Variants in SCLT1 observed in about 807,000 individuals in gnomAD.
SCLT1 encodes sodium channel-associated protein 1.
In SCLT1, 78 loss-of-function variants were observed where a neutral mutation model predicts 112.8. That is an observed-to-expected ratio of 0.69 (90% CI 0.58 to 0.83). The LOEUF is 0.83. SCLT1 is among the 40% of genes least tolerant of loss of function. The pLI, the probability that SCLT1 is intolerant of heterozygous loss-of-function variation, is 0.00. For synonymous variants in SCLT1, 257 were observed against 254.7 expected, an observed-to-expected ratio of 1.01 and a Z score of -0.09; for missense variants, 747 against 770.4, an observed-to-expected ratio of 0.97 and a Z score of 0.36.
In SCLT1 at chr4:128,916,554, T is replaced by G. The variant is rs1207659040; in HGVS notation, c.1829+20101A>C. On this transcript the variant is annotated intron_variant, in intron 18 of 20. Coordinates refer to ENST00000281142, the MANE Select transcript of SCLT1 (RefSeq NM_144643.4). ...TGACTGACGAAAAAGCTAAAAGACT[T>G]GAAGTCTTTACAGGACATCCTCAGC... Among the ~76,000 whole-genome samples the G allele has an allele frequency of 7.9e-5, 12 of 152,202 alleles. No individual in the cohort carries two copies. The East Asian group carries it at 1.2e-3, about 15-fold the overall frequency.
intron 18 of SCLT1, among the ~76,000 whole-genome samples, chr4:128,894,034 G>A (rs1733536237): frequency 6.6e-6 from 1 of 152,036 alleles, no homozygotes; most frequent in South Asian, 2.1e-4. Flanking sequence ...GCACCTCCCA[G>A]GCTCAGGTGG....
At chr4:128,873,256 G>GAAAAAAAAAAAAAAAAAAAAAAAAAAAAA (rs1296724284) in intron 5 of SCLT1, 3 of 28,678 alleles carry the variant, frequency 1.0e-4, no homozygotes, top group Non-Finnish European at 1.5e-4. Context: ...TAAGAAAAAG[G>GAAAAAAAAAAAAAAAAAAAAAAAAAAAAA]AAAAAAAAAA....
At chr4:128,883,123 T>G, downstream of SCLT1, among the ~76,000 whole-genome samples, 1 of 129,526 alleles carries the variant, frequency 7.7e-6, no homozygotes, top group African/African-American at 3.1e-5. Context: ...TCCAGCCTGG[T>G]GATGGAGTGA....
intron 2 of SCLT1, among the ~76,000 whole-genome samples, chr4:129,044,463 TAAAA>T (rs957957628): frequency 4.7e-5 from 7 of 148,384 alleles, no homozygotes; most frequent in African/African-American, 1.7e-4. Context: ...GATGAACACT[TAAAA>T]AAAAAATCAG....
intron 5 of SCLT1, among the ~76,000 whole-genome samples, chr4:129,024,855 G>A (rs1745877300): frequency 6.6e-6 from 1 of 152,138 alleles, no homozygotes; most frequent in Non-Finnish European, 1.5e-5. Flanking sequence ...AGTGCTTAAA[G>A]GAGCTGATGG....
intron 3 of SCLT1, 56 bp from the exon 4 acceptor site, chr4:129,043,523 T>G: frequency 2.7e-6 from 2 of 733,882 alleles, no homozygotes; most frequent in East Asian, 2.9e-5. Context: ...TTAATAAATA[T>G]ATAACAAGTG....
intron 9 of SCLT1, among the ~76,000 whole-genome samples, chr4:128,982,655 C>T (rs1283527332): frequency 6.6e-6 from 1 of 152,030 alleles, no homozygotes; most frequent in Non-Finnish European, 1.5e-5. Context: ...GCTCCCATCA[C>T]CATGCCCGGC....
At chr4:129,014,155 ATCAGG>A (rs1219147881) in intron 5 of SCLT1, among the ~76,000 whole-genome samples, 1 of 152,012 alleles carries the variant, frequency 6.6e-6, no homozygotes, top group African/African-American at 2.4e-5. Flanking sequence ...TTTCAGTTCT[ATCAGG>A]TCAGTTGGTT....
rs370859627 is a variant in SCLT1, at chr4:129,028,809, A to G, written c.290+10232T>C. Among the ~76,000 whole-genome samples, 14 of 152,102 alleles carry G rather than the reference A, an allele frequency of 9.2e-5. No homozygotes were observed. In the East Asian group the frequency reaches 9.6e-4, roughly 10 times the overall value. On this transcript the variant is annotated intron_variant, in intron 5 of 20. Transcript: ENST00000281142. ...AAAAGGCTAATATCCAGAATCTACA[A>G]TGAACTCCAACAAATTTACAACAAA...
chr4:128,895,413 C>G (rs979437382), intron 18 of SCLT1, among the ~76,000 whole-genome samples: 1 of 152,214 alleles, frequency 6.6e-6, no homozygotes, highest in Non-Finnish European at 1.5e-5. Flanking sequence ...GAACCTTCCA[C>G]ACTTCAGTTG....
chr4:128,971,455 T>G (rs1740683216), intron 9 of SCLT1: 1 of 152,084 alleles, frequency 6.6e-6, no homozygotes, highest in Non-Finnish European at 1.5e-5. Context: ...CAGGTAGTTA[T>G]TAGTGCCAGG....
At chr4:129,088,245 A>G (rs1305317327) in intron 1 of SCLT1, among the ~76,000 whole-genome samples, 2 of 152,258 alleles carry the variant, frequency 1.3e-5, no homozygotes, top group Non-Finnish European at 2.9e-5. Context: ...AATGTAATTT[A>G]CTCTATTAAC....
chr4:129,093,206 T>C lies in SCLT1; in HGVS notation c.-103A>G, dbSNP rs1753014156. On this transcript the variant is annotated 5_prime_UTR_variant, in exon 1 of 21. Coordinates refer to ENST00000281142, the MANE Select transcript of SCLT1 (RefSeq NM_144643.4). The stretch of plus-strand genomic sequence containing the variant: ...CAAAACTAAGCCAACGCTCGGTTGG[T>C]TGTCAAGCGCTCCAGCGGTGCAATC... The C allele has an allele frequency of 4.6e-6, 5 of 1,080,030 alleles. No homozygotes were observed. The highest frequency in any genetic ancestry group is 1.4e-6 in the Non-Finnish European group (1 of 698,240). 66.9% of individuals were successfully genotyped at this position (1,080,030 alleles called of 1,614,324 possible).
chr4:129,083,648 G>A (rs1220811641), intron 1 of SCLT1, among the ~76,000 whole-genome samples: 3 of 151,542 alleles, frequency 2.0e-5, no homozygotes, highest in African/African-American at 7.3e-5. Flanking sequence ...CTGGGCAACA[G>A]AGCAAGACTC....
At chr4:128,948,886 T>A (rs1738441928) in intron 14 of SCLT1, among the ~76,000 whole-genome samples, 1 of 152,128 alleles carries the variant, frequency 6.6e-6, no homozygotes, top group Admixed American at 6.5e-5. Context: ...ATCAAGTATT[T>A]TGAAAAGGGA....
At chr4:128,974,442 G>A (rs1740969484) in intron 9 of SCLT1, among the ~76,000 whole-genome samples, 1 of 151,672 alleles carries the variant, frequency 6.6e-6, no homozygotes, top group African/African-American at 2.4e-5. Flanking sequence ...GGGAACTCCT[G>A]CCTGGAGCTC....
At chr4:129,026,365 G>A (rs7671486) in intron 5 of SCLT1, among the ~76,000 whole-genome samples, 17,291 of 152,012 alleles carry the variant, frequency 0.11, 1,367 homozygotes, top group Non-Finnish European at 0.17. Context: ...AGACCACAGT[G>A]CAATCAAACT....
At chr4:128,876,390 C>A (rs1732520880) in intron 4 of SCLT1, 1 of 152,066 alleles carries the variant, frequency 6.6e-6, no homozygotes, top group South Asian at 2.1e-4. Flanking sequence ...GAAATTAAGT[C>A]CCCAGGAGCC....
intron 18 of SCLT1, among the ~76,000 whole-genome samples, chr4:128,906,447 T>G (rs940357683): frequency 2.6e-5 from 4 of 152,070 alleles, no homozygotes; most frequent in African/African-American, 7.2e-5. Context: ...ATCCGCCCGC[T>G]TCGGCCTCCC....
Sources: gnomAD v4.1 joint callset for allele counts (sites outside exome capture counted in the v4.1 genomes callset) on GRCh38, gnomAD v4.1.1 for gene constraint, MANE v1.5 for transcripts, NCBI Gene and HGNC (gene_info 2026-07-23, HGNC 2026-07-21) for gene names.